RB1: variants seen among roughly 807,000 people sequenced by gnomAD.
The protein encoded by RB1 is retinoblastoma-associated protein.
RB1 carries 18 observed loss-of-function variants against 135.4 expected under a neutral mutation model. The ratio of observed to expected loss-of-function variants is 0.13; its 90% CI spans 0.09 to 0.20. The LOEUF is 0.20. Among genes scored for constraint, RB1 ranks in the 10% least tolerant of loss-of-function variants. The pLI is 1.00. For missense variants in RB1, 868 were observed against 1,110.0 expected (o/e 0.78, Z 3.10); for synonymous variants, 365 against 373.2 (o/e 0.98, Z 0.25).
chr13:48,399,321 A>G (rs927385490), intron 17 of RB1, among the ~76,000 whole-genome samples: 3 of 152,052 alleles, frequency 2.0e-5, no homozygotes, highest in Admixed American at 6.6e-5. Flanking sequence ...AAGAAGGGAA[A>G]ATAAAAGAAG....
At chr13:48,421,878 G>A (rs541920843) in intron 17 of RB1, among the ~76,000 whole-genome samples, 2 of 152,344 alleles carry the variant, frequency 1.3e-5, no homozygotes, top group South Asian at 4.1e-4. Flanking sequence ...ACAGATGCTG[G>A]AGAGGATGTG....
chr13:48,453,189 A>G, intron 18 of RB1, 78 bp downstream of exon 18: 1 of 1,351,192 alleles, frequency 7.4e-7, no homozygotes, highest in South Asian at 1.2e-5. Flanking sequence ...ACATTCTATA[A>G]AGAAACTGTA....
intron 17 of RB1, among the ~76,000 whole-genome samples, chr13:48,441,229 G>A (rs1350691209): frequency 6.6e-6 from 1 of 152,200 alleles, no homozygotes; most frequent in Non-Finnish European, 1.5e-5. Flanking sequence ...TCAGATGGTG[G>A]AAGGGACAAG....
Position 48,319,208 on chromosome 13 carries a change from C to G in RB1, c.264+11802C>G, listed in dbSNP as rs552090669. On this transcript the variant is annotated intron_variant, in intron 2 of 26. Coordinates refer to ENST00000267163, the MANE Select transcript of RB1 (RefSeq NM_000321.3). The surrounding 1 kb of genome is among the most constrained non-coding windows in gnomAD (Gnocchi z 5.0). ...GGTCTGTGGCCTTGGTGGCCACTGG[C>G]TTCCTCTAGCTGGGTGTTTTCCTGT... 5 of 707,448 alleles carry G rather than the reference C, an allele frequency of 7.1e-6. No individual in the cohort carries two copies. In the East Asian group the frequency reaches 1.9e-4, roughly 27 times the overall value. The allele number at this position is 707,448 out of a possible 1,614,324, so 43.8% of individuals were successfully genotyped here.
At chr13:48,338,641 G>A (rs184977572) in intron 2 of RB1, among the ~76,000 whole-genome samples, 14 of 152,304 alleles carry the variant, frequency 9.2e-5, no homozygotes, top group South Asian at 4.1e-4. Flanking sequence ...TCTTTAGCTC[G>A]GAGAAGTTTG....
intron 12 of RB1, among the ~76,000 whole-genome samples, chr13:48,375,582 A>G (rs1237874894): frequency 6.6e-6 from 1 of 150,422 alleles, no homozygotes; most frequent in East Asian, 1.9e-4. Flanking sequence ...TTATTTATAT[A>G]TATATATATT....
In RB1 at chr13:48,456,707, C is replaced by A. The variant is rs148945546; in HGVS notation, c.1960+358C>A. ...CATGGAACGGAGAGGGGTGTGTGGG[C>A]AAGCATGAGATCTGGCCATTGCCCA... On this transcript the variant is annotated intron_variant, in intron 19 of 26. Coordinates refer to ENST00000267163, the MANE Select transcript of RB1 (RefSeq NM_000321.3). Among the ~76,000 whole-genome samples the A allele has an allele frequency of 1.2e-4, 19 of 152,328 alleles. No individual in the cohort carries two copies. The East Asian group carries it at 3.7e-3, about 29-fold the overall frequency.
chr13:48,416,826 T>A (rs1399435950), intron 17 of RB1, among the ~76,000 whole-genome samples: 3 of 152,028 alleles, frequency 2.0e-5, no homozygotes, highest in Non-Finnish European at 4.4e-5. Flanking sequence ...CCGGGAAGTT[T>A]GAACTGGGTG....
At chr13:48,379,917 G>A (rs920195471) in intron 14 of RB1, 136 bp from the exon 15 acceptor site, 5 of 777,308 alleles carry the variant, frequency 6.4e-6, no homozygotes, top group East Asian at 3.6e-5. Context: ...CCAAGATTGT[G>A]CCATTTCACC....
chr13:48,440,442 C>A (rs17071729), intron 17 of RB1, among the ~76,000 whole-genome samples: 1,930 of 152,232 alleles, frequency 0.013, 49 homozygotes, highest in African/African-American at 0.044. Flanking sequence ...TACTTATGTA[C>A]AAATAGCTAA....
At chr13:48,422,630 A>C (rs192938113) in intron 17 of RB1, 7 of 152,256 alleles carry the variant, frequency 4.6e-5, no homozygotes, top group Admixed American at 3.9e-4. Flanking sequence ...CCCTGTCTCC[A>C]TAAAAAATTT....
At chr13:48,339,313 G>A (rs568478747) in intron 2 of RB1, among the ~76,000 whole-genome samples, 1 of 152,330 alleles carries the variant, frequency 6.6e-6, no homozygotes, top group South Asian at 2.1e-4. Flanking sequence ...ACCTGCGGTG[G>A]GCTCCACCCA....
chr13:48,473,337 G>A (rs1949483891), intron 23 of RB1, 23 bp from the exon 24 acceptor site: 2 of 1,550,172 alleles, frequency 1.3e-6, no homozygotes, highest in Admixed American at 1.7e-5. Flanking sequence ...ATTACTAATT[G>A]GTATTTCATC....
At chr13:48,449,080 C>T (rs1305831869) in intron 17 of RB1, among the ~76,000 whole-genome samples, 1 of 151,964 alleles carries the variant, frequency 6.6e-6, no homozygotes, top group Non-Finnish European at 1.5e-5. Flanking sequence ...GAGTAACTTC[C>T]TATTTGAAAG....
At chr13:48,409,574 T>A (rs1168438646) in intron 17 of RB1, among the ~76,000 whole-genome samples, 1 of 22,808 alleles carries the variant, frequency 4.4e-5, no homozygotes, top group East Asian at 9.7e-4. Flanking sequence ...TGCTTGATTT[T>A]TTTTTTTTTT....
At chr13:48,368,202 GTTTTAATGCT>G (rs1446345354) in intron 10 of RB1, among the ~76,000 whole-genome samples, 1 of 152,150 alleles carries the variant, frequency 6.6e-6, no homozygotes, top group African/African-American at 2.4e-5. Flanking sequence ...AAAAACTTGA[GTTTTAATGCT>G]TTTTAATACT....
At chr13:48,339,675 C>CT (rs1952424921) in intron 2 of RB1, among the ~76,000 whole-genome samples, 1 of 152,198 alleles carries the variant, frequency 6.6e-6, no homozygotes, top group Non-Finnish European at 1.5e-5. Context: ...GCTGCACTCA[C>CT]TTTCCTGCAC....
chr13:48,424,345 G>A lies in RB1; in HGVS notation c.1696-28648G>A, dbSNP rs150112532. On this transcript the variant is annotated intron_variant, in intron 17 of 26. Coordinates refer to ENST00000267163, the MANE Select transcript of RB1 (RefSeq NM_000321.3). Reference sequence around the variant, plus strand: ...TTAATACTTTATGTTACTTTTTACCGGAATGTGAGTCATCTACCCAAGTTC... The same window carrying A: ...TTAATACTTTATGTTACTTTTTACCAGAATGTGAGTCATCTACCCAAGTTC... 3.4e-3 allele frequency among the ~76,000 whole-genome samples: 520 copies of A among 152,072 alleles called. 7 individuals carry two copies. Among genetic ancestry groups the A allele is most frequent in the African/African-American group, 0.012 (503 of 41,464 alleles).
intron 6 of RB1, among the ~76,000 whole-genome samples, chr13:48,350,143 G>A (rs1270858479): frequency 6.6e-6 from 1 of 152,026 alleles, no homozygotes; most frequent in Admixed American, 6.6e-5. Flanking sequence ...CTTCCAGACA[G>A]AAAATCAACA....
Sources: gnomAD v4.1 joint callset for allele counts (sites outside exome capture counted in the v4.1 genomes callset) on GRCh38, gnomAD v4.1.1 for gene constraint, Gnocchi (gnomAD v3.1) non-coding constraint, MANE v1.5 for transcripts, NCBI Gene and HGNC (gene_info 2026-07-23, HGNC 2026-07-21) for gene names.